CERT1: variants seen among roughly 807,000 people sequenced by gnomAD.
CERT1 encodes ceramide transfer protein.
CERT1 carries 31 observed loss-of-function variants against 87.9 expected under a neutral mutation model. The ratio of observed to expected loss-of-function variants is 0.35; its 90% CI spans 0.27 to 0.48. The LOEUF (loss-of-function observed/expected upper bound fraction) is 0.48, where lower values mean the gene tolerates loss of function less well. CERT1 is among the 20% of genes least tolerant of loss of function. The probability of loss-of-function intolerance (pLI) is 0.99; values close to 1 mark genes in which losing one functional copy is unlikely to be tolerated. For missense variants in CERT1, 487 were observed against 758.0 expected (o/e 0.64, Z 4.20); for synonymous variants, 289 against 250.9 (o/e 1.15, Z -1.44).
At chr5:75,473,842 T>TGTACAA (rs1765829243) in intron 2 of CERT1, among the ~76,000 whole-genome samples, 1 of 152,154 alleles carries the variant, frequency 6.6e-6, no homozygotes, top group African/African-American at 2.4e-5. Context: ...AATAAATACA[T>TGTACAA]GTTACATGTC....
At chr5:75,393,346 G>A (rs1052775873) in intron 11 of CERT1, among the ~76,000 whole-genome samples, 21 of 151,618 alleles carry the variant, frequency 1.4e-4, no homozygotes, top group African/African-American at 4.6e-4. Context: ...AAGAGGGGAC[G>A]TTCACTCCAA....
intron 5 of CERT1, among the ~76,000 whole-genome samples, chr5:75,420,695 T>G (rs1763341664): frequency 6.6e-6 from 1 of 152,174 alleles, no homozygotes; most frequent in Non-Finnish European, 1.5e-5. Flanking sequence ...CTTTCTTCTA[T>G]GTGCTATCCC....
intron 8 of CERT1, among the ~76,000 whole-genome samples, chr5:75,404,070 A>C (rs1274693885): frequency 6.6e-6 from 1 of 152,154 alleles, no homozygotes; most frequent in Non-Finnish European, 1.5e-5. Flanking sequence ...ACACATGAAC[A>C]ATTGGTGAAA....
At chr5:75,428,913 T>A (rs1224286791) in intron 3 of CERT1, among the ~76,000 whole-genome samples, 5 of 152,064 alleles carry the variant, frequency 3.3e-5, no homozygotes, top group Non-Finnish European at 7.4e-5. Context: ...TACATTTGTA[T>A]GATAATTACA....
chr5:75,428,513 C>A (rs1391481662), intron 3 of CERT1, among the ~76,000 whole-genome samples: 1 of 152,120 alleles, frequency 6.6e-6, no homozygotes, highest in African/African-American at 2.4e-5. Context: ...CCTGTCTCTA[C>A]TAAAAATACA....
intron 11 of CERT1, among the ~76,000 whole-genome samples, chr5:75,394,214 T>C (rs1034043185): frequency 3.3e-5 from 5 of 152,094 alleles, no homozygotes; most frequent in Admixed American, 6.6e-5. Flanking sequence ...AGTTTGGCAG[T>C]AAAAATTTTT....
chr5:75,487,478 G>T (rs1766576791), intron 2 of CERT1, among the ~76,000 whole-genome samples: 1 of 152,092 alleles, frequency 6.6e-6, no homozygotes, highest in Non-Finnish European at 1.5e-5. Context: ...ATGGACAAAT[G>T]AGATCACATC....
At chr5:75,497,170 T>C (rs1022692848) in intron 2 of CERT1, among the ~76,000 whole-genome samples, 118 of 152,178 alleles carry the variant, frequency 7.8e-4, no homozygotes, top group African/African-American at 2.8e-3. Flanking sequence ...TGTTCAAACA[T>C]GACACGCTAC....
At chr5:75,389,764 C>T (rs893556886) in intron 11 of CERT1, 77 bp from the exon 12 acceptor site, 5 of 1,120,900 alleles carry the variant, frequency 4.5e-6, no homozygotes, top group Non-Finnish European at 6.7e-6. Flanking sequence ...CTTCAGTTAA[C>T]TTCAGTTCAG....
At chr5:75,511,865 G>C (rs55831232), upstream of CERT1, 1,376 of 1,525,946 alleles carry the variant, frequency 9.0e-4, 9 homozygotes, top group East Asian at 0.021. Flanking sequence ...GCGTTGGTCC[G>C]TCGCTCGCGC....
Position 75,411,037 on chromosome 5 carries a change from A to AT in CERT1, c.903dup (p.Ser302IlefsTer9), listed in dbSNP as rs772918775. On this transcript the variant is annotated frameshift_variant, in exon 8 of 17. Transcript: ENST00000643780. LOFTEE classifies it high-confidence loss of function. Reference sequence around the variant, plus strand: ...TCATAATCTGGTCCTCCAAAGTGGGATTTTTTCTTAAGTTCTGTCATTGCA... The same window carrying AT: ...TCATAATCTGGTCCTCCAAAGTGGGATTTTTTTCTTAAGTTCTGTCATTGCA... 6.3e-7 allele frequency: 1 copy of AT among 1,589,806 alleles called. No individual in the cohort carries two copies. Among genetic ancestry groups the AT allele is most frequent in the Non-Finnish European group, 8.6e-7 (1 of 1,164,168 alleles).
chr5:75,476,804 T>C lies in CERT1; in HGVS notation c.232-17623A>G, dbSNP rs190308147. On this transcript the variant is annotated intron_variant, in intron 2 of 16. Coordinates refer to ENST00000643780, the MANE Select transcript of CERT1 (RefSeq NM_001379029.1). ...TTCGGTTTTTCTTTTCCATGCATAATGCCCTTCCTTGGAGGCAAAACTGAT... is the reference window on the plus strand; with the variant it reads ...TTCGGTTTTTCTTTTCCATGCATAACGCCCTTCCTTGGAGGCAAAACTGAT... Among the ~76,000 whole-genome samples, 84 of 152,284 alleles carry C rather than the reference T, an allele frequency of 5.5e-4. 1 individual carries two copies. The highest frequency in any genetic ancestry group is 2.3e-3 in the East Asian group (12 of 5,182).
intron 2 of CERT1, among the ~76,000 whole-genome samples, chr5:75,498,361 G>A (rs556378496): frequency 6.6e-6 from 1 of 152,328 alleles, no homozygotes; most frequent in East Asian, 1.9e-4. Context: ...TCCAGGGCAT[G>A]TCCGAGACCT....
intron 2 of CERT1, among the ~76,000 whole-genome samples, chr5:75,487,001 C>A (rs1433869247): frequency 2.0e-5 from 3 of 152,008 alleles, no homozygotes; most frequent in Non-Finnish European, 4.4e-5. Context: ...GTATACAGAA[C>A]CACAAAAGAC....
chr5:75,493,853 A>C (rs1464150255), intron 2 of CERT1, among the ~76,000 whole-genome samples: 1 of 152,150 alleles, frequency 6.6e-6, no homozygotes, highest in African/African-American at 2.4e-5. Flanking sequence ...CTTTAAAAAA[A>C]CAAAAATCTT....
At chr5:75,425,794 T>G (rs936343723) in intron 4 of CERT1, among the ~76,000 whole-genome samples, 13 of 152,200 alleles carry the variant, frequency 8.5e-5, no homozygotes, top group Admixed American at 7.8e-4. Flanking sequence ...TTTGCAAATA[T>G]AACATTTGGT....
At chr5:75,511,897 G>T, upstream of CERT1, 1 of 1,414,040 alleles carries the variant, frequency 7.1e-7, no homozygotes. Context: ...AGTTGTAGTC[G>T]CGATCCTGAG....
intron 3 of CERT1, among the ~76,000 whole-genome samples, chr5:75,449,350 T>C (rs949936180): frequency 1.3e-5 from 2 of 152,194 alleles, no homozygotes; most frequent in South Asian, 2.1e-4. Context: ...GGGCAGGTGA[T>C]TGGAGTTTTG....
intron 2 of CERT1, among the ~76,000 whole-genome samples, chr5:75,461,810 C>G (rs1048511031): frequency 7.2e-6 from 1 of 139,230 alleles, no homozygotes; most frequent in Non-Finnish European, 1.5e-5. Context: ...AGTTTTACAT[C>G]TCAACAAAGT....
Sources: gnomAD v4.1 joint callset for allele counts (sites outside exome capture counted in the v4.1 genomes callset) on GRCh38, gnomAD v4.1.1 for gene constraint, MANE v1.5 for transcripts, NCBI Gene and HGNC (gene_info 2026-07-23, HGNC 2026-07-21) for gene names.